Variants in UQCRC1 observed in about 807,000 individuals in gnomAD.
UQCRC1 encodes ubiquinol-cytochrome c reductase core protein 1.
A neutral mutation model predicts 58.0 loss-of-function variants in UQCRC1; 34 were observed. The observed-to-expected ratio is 0.59, with a 90% CI of 0.45 to 0.78. The LOEUF is 0.78. Among genes scored for constraint, UQCRC1 ranks in the 30% least tolerant of loss-of-function variants. The pLI is 0.00. For synonymous variants in UQCRC1, 276 were observed against 248.8 expected (o/e 1.11, Z -1.03); for missense variants, 610 against 646.0 (o/e 0.94, Z 0.60).
intron 6 of UQCRC1, among the ~76,000 whole-genome samples, chr3:48,601,989 C>A (rs1484171326): frequency 1.3e-5 from 2 of 151,974 alleles, no homozygotes; most frequent in African/African-American, 2.4e-5. Context: ...CCCTAGGACT[C>A]CTTGGATCTT....
chr3:48,599,806 AGCATGCAGC>A, intron 11 of UQCRC1, 96 bp from the exon 12 acceptor site: 1 of 1,337,938 alleles, frequency 7.5e-7, no homozygotes, highest in Non-Finnish European at 1.1e-6. Context: ...TCCCACAGGC[AGCATGCAGC>A]TGTCCCCAGC....
rs539038461 is a variant in UQCRC1, at chr3:48,604,656, G to C, written c.422C>G (p.Pro141Arg). ...YYIKALSKDL[P>R]KAVELLGDIV... ...CCTCTTCCTCCAGGTGTTACCTTTC[G>C]GCAGATCCTTGGACAGCGCCTTGAT... is the stretch of plus-strand genomic sequence containing the variant. The change falls in exon 4 of 13, where the codon CCG (proline) becomes CGG (arginine). Residue 141 changes from proline (P) to arginine (R), a missense_variant. Coordinates refer to ENST00000203407, the MANE Select transcript of UQCRC1 (RefSeq NM_003365.3). The C allele has an allele frequency of 6.2e-7, 1 of 1,614,090 alleles. No homozygotes were observed. The highest frequency in any genetic ancestry group is 8.5e-7 in the Non-Finnish European group (1 of 1,180,016).
At position 48,599,119 on chromosome 3, in the gene UQCRC1, G is replaced by A. The variant is rs1803977; in HGVS notation, c.*9C>T. On this transcript the variant is annotated 3_prime_UTR_variant, in exon 13 of 13. Coordinates refer to ENST00000203407, the MANE Select transcript of UQCRC1 (RefSeq NM_003365.3). Reference sequence around the variant, plus strand: ...CGGCCCTGCCCTCTTGCTTACATAGGCTTCCCGCCTAGAAGCGCAGCCAGA... The same window carrying A: ...CGGCCCTGCCCTCTTGCTTACATAGACTTCCCGCCTAGAAGCGCAGCCAGA... The A allele has an allele frequency of 1.9e-6, 3 of 1,611,560 alleles. No homozygotes were observed. Among genetic ancestry groups the A allele is most frequent in the Non-Finnish European group, 1.7e-6 (2 of 1,178,664 alleles).
chr3:48,609,563 C>T lies in UQCRC1; in HGVS notation c.58G>A (p.Ala20Thr), dbSNP rs771621515. ...ATAGAQVLLR[A>T]RRSPALLRTP... Reference sequence around the variant, plus strand: ...CGCCACCACCTCACCGAGCGGCGGGCGCGCAATAGCACTTGTGCCCCGGCG... The same window carrying T: ...CGCCACCACCTCACCGAGCGGCGGGTGCGCAATAGCACTTGTGCCCCGGCG... Residue 20 changes from alanine to threonine, a missense_variant, in exon 1 of 13, where the codon GCC becomes ACC. Physicochemically the swap from Ala to Thr is moderately conservative, Grantham distance 58. Transcript: ENST00000203407. 5 of 1,564,818 alleles carry T rather than the reference C, an allele frequency of 3.2e-6. No homozygotes were observed. The South Asian group carries it at 4.6e-5, about 14-fold the overall frequency.
rs753687412 is a variant in UQCRC1, at chr3:48,601,401, G to A, written c.773C>T (p.Ala258Val). Residue 258 changes from alanine (A) to valine (V), a missense_variant, in exon 7 of 13, where the codon GCA (alanine) becomes GTA (valine). Ala to Val is a moderately conservative substitution (Grantham distance 64, BLOSUM62 0). Transcript: ENST00000203407. ...AGTAAGAGTGGGCACAGCGTCCTCT[G>A]CATATGTCCATGGGATGCCACCGAG... The part of the protein sequence containing the change: ...KHLGGIPWTY[A>V]EDAVPTLTPC... 41 of 1,614,158 alleles carry A rather than the reference G, an allele frequency of 2.5e-5. No individual in the cohort carries two copies. The highest frequency in any genetic ancestry group is 2.8e-5 in the Non-Finnish European group (33 of 1,180,030).
chr3:48,609,044 C>G (rs1343553883), intron 2 of UQCRC1, 118 bp downstream of exon 2: 2 of 1,421,408 alleles, frequency 1.4e-6, no homozygotes, highest in African/African-American at 1.4e-5. Flanking sequence ...GGTGAGTGGT[C>G]CTGGGTCCGA....
Position 48,604,026 on chromosome 3 carries a change from T to C in UQCRC1, c.626+207A>G. The C allele has an allele frequency of 1.1e-5, 7 of 621,754 alleles. No individual in the cohort carries two copies. In the Middle Eastern group the frequency reaches 2.2e-3, roughly 193 times the overall value. The allele number at this position is 621,754 out of a possible 1,614,324, so 38.5% of individuals were successfully genotyped here. A position where few individuals can be genotyped will look rare whatever the true frequency, so the allele number is the denominator to read the frequency against. The stretch of plus-strand genomic sequence containing the variant: ...GACTGTCAGGACATGCACCAAAACA[T>C]ACCTTAAAACAAAGCCCAAAATTCA... On this transcript the variant is annotated intron_variant, in intron 5 of 12. Transcript: ENST00000203407.
intron 6 of UQCRC1, among the ~76,000 whole-genome samples, chr3:48,603,050 C>T (rs1384802914): frequency 6.6e-6 from 1 of 152,152 alleles, no homozygotes; most frequent in African/African-American, 2.4e-5. Flanking sequence ...CTCAGCTCCC[C>T]ACACCCCACC....
intron 4 of UQCRC1, 72 bp from the exon 5 acceptor site, chr3:48,604,503 G>T (rs991036203): frequency 1.3e-6 from 2 of 1,589,142 alleles, no homozygotes; most frequent in African/African-American, 2.7e-5. Context: ...AAATCCCCAG[G>T]CCTGGCATCT....
rs755741776 is a variant in UQCRC1, at chr3:48,604,771, T to A, written c.307A>T (p.Asn103Tyr). The A allele has an allele frequency of 9.3e-6, 15 of 1,613,944 alleles. No individual in the cohort carries two copies. Among genetic ancestry groups the A allele is most frequent in the African/African-American group, 1.3e-5 (1 of 74,886 alleles). The change falls in exon 4 of 13, where the codon AAT (asparagine) becomes TAT (tyrosine). Residue 103 changes from asparagine to tyrosine, a missense_variant. Asn to Tyr is a moderately radical substitution (Grantham distance 143). Coordinates refer to ENST00000203407, the MANE Select transcript of UQCRC1 (RefSeq NM_003365.3). ...TTCTCCAGGGCACTGCCAGGCCGAT[T>A]CTTTGTTCCCTGGAACCAGATATCA... ...LEHLAFKGTKNRPGSALEKEV... is the reference protein window; with the variant it reads ...LEHLAFKGTKYRPGSALEKEV...
rs561599217 is a variant in UQCRC1, at chr3:48,600,010, C to T, written c.1302+53G>A. The T allele has an allele frequency of 5.1e-5, 82 of 1,603,818 alleles. 2 individuals are homozygous for T. In the South Asian group the frequency reaches 8.9e-4, roughly 17 times the overall value. The stretch of plus-strand genomic sequence containing the variant: ...ATGCCAGGCCCCAACCCTACACCTC[C>T]CAGGTGTCTGCCAGGCCAAGACTCC... On this transcript the variant is annotated intron_variant, in intron 11 of 12. Transcript: ENST00000203407.
intron 11 of UQCRC1, 127 bp from the exon 12 acceptor site, chr3:48,599,837 A>G (rs2046345659): frequency 2.7e-6 from 3 of 1,121,022 alleles, no homozygotes; most frequent in African/African-American, 1.5e-5. Context: ...CAAAAGAGGA[A>G]AGGCAGAAGG....
intron 4 of UQCRC1, 107 bp from the exon 5 acceptor site, chr3:48,604,538 A>G (rs35343040): frequency 0.057 from 90,654 of 1,585,368 alleles, 7,986 homozygotes; most frequent in African/African-American, 0.41. Flanking sequence ...CTAGTTGCCC[A>G]GCTGCAAAGC....
chr3:48,606,351 C>CT (rs2107847351), intron 2 of UQCRC1, among the ~76,000 whole-genome samples: 1 of 152,254 alleles, frequency 6.6e-6, no homozygotes, highest in Non-Finnish European at 1.5e-5. Flanking sequence ...CCTATAATAT[C>CT]TTTTTTGTTG....
chr3:48,604,090 CCA>C (rs2046389650), intron 5 of UQCRC1, 141 bp downstream of exon 5: 1 of 879,488 alleles, frequency 1.1e-6, no homozygotes, highest in African/African-American at 1.7e-5. Flanking sequence ...ACTCACTGGA[CCA>C]CATGGATACA....
rs948108750 is a variant in UQCRC1, at chr3:48,599,128, C to T, written c.1443G>A (p.Ter481=). The change falls in exon 13 of 13, where the codon TAG becomes TAA. Residue 481 remains the stop codon, a stop_retained_variant. Transcript: ENST00000203407. ...CCTCTTGCTTACATAGGCTTCCCGC[C>T]TAGAAGCGCAGCCAGAACATGCCGC... ...IRSGMFWLRF[*] 6.2e-7 allele frequency: 1 copy of T among 1,612,230 alleles called. No homozygotes were observed. Among genetic ancestry groups the T allele is most frequent in the South Asian group, 1.1e-5 (1 of 90,882 alleles).
At chr3:48,601,613 G>A (rs1331898915) in intron 6 of UQCRC1, 146 bp from the exon 7 acceptor site, 4 of 762,412 alleles carry the variant, frequency 5.2e-6, no homozygotes, top group Non-Finnish European at 8.7e-6. Context: ...GAGGAAAGAA[G>A]GTCCTCCTCA....
rs754611181 is a variant in UQCRC1 at position 48,600,100 on chromosome 3, C to T, written c.1265G>A (p.Arg422His). Residue 422 changes from arginine to histidine, a missense_variant, in exon 11 of 13, where the codon CGC (arginine) becomes CAC (histidine). Physicochemically the swap from Arg to His is conservative, Grantham distance 29. Transcript: ENST00000203407. ...TTCCCATTCAGCCAGGGGGATGCGG[C>T]GGCCATAGGTCAGGAGGCTGCGTCC... Reference protein sequence around the residue: ...DIGRSLLTYGRRIPLAEWESR... With the variant: ...DIGRSLLTYGHRIPLAEWESR... The T allele has an allele frequency of 9.9e-6, 16 of 1,613,998 alleles. No individual in the cohort carries two copies. In the East Asian group the frequency reaches 1.8e-4, roughly 18 times the overall value.
chr3:48,603,743 G>T, intron 5 of UQCRC1, 100 bp from the exon 6 acceptor site: 1 of 1,123,898 alleles, frequency 8.9e-7, no homozygotes, highest in Non-Finnish European at 1.3e-6. Flanking sequence ...GGAGAGGCAT[G>T]GTTTCTCCGA....
Sources: gnomAD v4.1 joint callset for allele counts (sites outside exome capture counted in the v4.1 genomes callset) on GRCh38, gnomAD v4.1.1 for gene constraint, MANE v1.5 for transcripts, NCBI Gene and HGNC (gene_info 2026-07-23, HGNC 2026-07-21) for gene names.